The following TAF1 variants were observed in gnomAD, a reference collection of about 807,000 sequenced individuals.
The protein encoded by TAF1 is TATA-box binding protein associated factor 1.
TAF1 carries 2 observed loss-of-function variants against 138.5 expected under a neutral mutation model. That is an observed-to-expected ratio of 0.01 (90% CI 0.01 to 0.05). The LOEUF (loss-of-function observed/expected upper bound fraction) is 0.05, where lower values mean the gene tolerates loss of function less well. TAF1 is among the 10% of genes least tolerant of loss of function. TAF1 has a pLI of 1.00. For missense variants in TAF1, 709 were observed against 1,478.0 expected (o/e 0.48, Z 8.53); for synonymous variants, 437 against 503.2 (o/e 0.87, Z 1.76).
chrX:71,499,131 C>T (rs1214870379), intron 13 of TAF1, among the ~76,000 whole-genome samples: 3 of 110,743 alleles, frequency 2.7e-5, no homozygotes, highest in Non-Finnish European at 5.7e-5. Context: ...TGGACATGGG[C>T]GAGGGGGCAG....
At chrX:71,473,599 C>A (rs1405151507) in intron 13 of TAF1, among the ~76,000 whole-genome samples, 3 of 109,640 alleles carry the variant, frequency 2.7e-5, no homozygotes, top group African/African-American at 1.0e-4. Flanking sequence ...AATCACTTTA[C>A]CCTAGGAGTT....
rs2034394782 is a variant in TAF1, at chrX:71,388,873, A to G, written c.2700+5A>G. 8.3e-7 allele frequency: 1 copy of G among 1,200,359 alleles called. No individual in the cohort carries two copies. Among genetic ancestry groups the G allele is most frequent in the Admixed American group, 2.2e-5 (1 of 45,446 alleles). ...GCTGCAGAGCAACGACTGAAGGTGA[A>G]CACCTTCCTCTTAGACACCACTTAT... On this transcript the variant is annotated splice_donor_5th_base_variant and intron_variant, in intron 17 of 37. Transcript: ENST00000423759.
chrX:71,393,991 G>T (rs1429060038), intron 21 of TAF1, 76 bp from the exon 22 acceptor site: 12 of 1,045,625 alleles, frequency 1.1e-5, no homozygotes, highest in Non-Finnish European at 6.3e-6. Context: ...TTTTAAGGTT[G>T]ATTTCCCAAT....
chrX:71,520,301 G>T (rs1034689500), intron 13 of TAF1, among the ~76,000 whole-genome samples: 4 of 109,175 alleles, frequency 3.7e-5, no homozygotes, highest in Non-Finnish European at 7.6e-5. Flanking sequence ...CCGCCACCAT[G>T]CCCGGCTAAT....
At chrX:71,448,666 A>G (rs936029294) in intron 32 of TAF1, among the ~76,000 whole-genome samples, 1 of 111,976 alleles carries the variant, frequency 8.9e-6, no homozygotes, top group Non-Finnish European at 1.9e-5. Flanking sequence ...AAGCTCTTGT[A>G]ACTATTGAGA....
At chrX:71,433,550 A>T (rs1220129876) in intron 32 of TAF1, among the ~76,000 whole-genome samples, 4 of 111,292 alleles carry the variant, frequency 3.6e-5, no homozygotes, top group Non-Finnish European at 7.5e-5. Flanking sequence ...TCCTAAGGAA[A>T]TGAGTATCCA....
chrX:71,502,832 G>C (rs1483632855), intron 13 of TAF1, among the ~76,000 whole-genome samples: 1 of 110,897 alleles, frequency 9.0e-6, no homozygotes, highest in Non-Finnish European at 1.9e-5. Context: ...CAGCTACCTG[G>C]GAGGCTGAGG....
intron 2 of TAF1, 113 bp downstream of exon 2, chrX:71,367,726 A>C: frequency 1.1e-6 from 1 of 889,647 alleles, no homozygotes. Flanking sequence ...GTTGGAGTGC[A>C]GTGGGGCGAT....
At chrX:71,411,139 T>C (rs184076869) in intron 28 of TAF1, among the ~76,000 whole-genome samples, 111 of 110,858 alleles carry the variant, frequency 1.0e-3, no homozygotes, top group African/African-American at 3.5e-3. Flanking sequence ...AGTGTGGTGG[T>C]ACAATCTTGG....
chrX:71,371,807 G>A (rs923901923), intron 3 of TAF1, among the ~76,000 whole-genome samples: 8 of 111,869 alleles, frequency 7.2e-5, no homozygotes, highest in African/African-American at 1.9e-4. Flanking sequence ...TTTCTCATTT[G>A]TAATAATCCC....
At position 71,431,183 on chromosome X, in the gene TAF1, C is replaced by T. The variant is rs186911815; in HGVS notation, c.4753+6945C>T. On this transcript the variant is annotated intron_variant, in intron 32 of 37. Coordinates refer to ENST00000423759, the MANE Select transcript of TAF1 (RefSeq NM_004606.5). ...GTTCAAGTGATTTGCCTGCCTCAGC[C>T]TCCCAAGTAGCTGGGATTACAGGCA... Among the ~76,000 whole-genome samples the T allele has an allele frequency of 5.7e-4, 62 of 108,217 alleles. 1 individual carries two copies. The highest frequency in any genetic ancestry group is 2.4e-3 in the Admixed American group (24 of 10,003). 94.0% of individuals were successfully genotyped at this position (108,217 alleles called of 115,157 possible).
chrX:71,460,595 T>C (rs960414749), intron 36 of TAF1, 31 bp from the exon 37 acceptor site: 5 of 1,205,553 alleles, frequency 4.1e-6, no homozygotes, highest in South Asian at 3.6e-5. Context: ...AGCTTAACTC[T>C]TGATGACCCA....
intron 28 of TAF1, among the ~76,000 whole-genome samples, chrX:71,413,142 A>G (rs1354055463): frequency 8.9e-6 from 1 of 111,772 alleles, no homozygotes; most frequent in African/African-American, 3.3e-5. Context: ...AAAACCTGAA[A>G]TCTGAAACAC....
Position 71,377,068 on chromosome X carries a change from A to G in TAF1, c.591A>G (p.Glu197=). 2 of 1,211,700 alleles carry G rather than the reference A, an allele frequency of 1.7e-6. No individual in the cohort carries two copies. The highest frequency in any genetic ancestry group is 2.2e-6 in the Non-Finnish European group (2 of 895,550). The stretch of plus-strand genomic sequence containing the variant: ...CAGAATCTGAGATGGGACCTCAGGA[A>G]GCAACACAGGCAGAATCTGAAGATG... The part of the protein sequence containing the change: ...SDSESEMGPQ[E]ATQAESEDGK... Residue 197 remains glutamate, a synonymous_variant, in exon 5 of 38, where the codon GAA becomes GAG. Coordinates refer to ENST00000423759, the MANE Select transcript of TAF1 (RefSeq NM_004606.5).
Position 71,460,748 on chromosome X carries a change from T to C in TAF1, c.5344T>C (p.Ser1782Pro). ...MDMENEESMM[S>P]YEGDGGEASH... ...CATGGAAAATGAAGAAAGCATGATG[T>C]CCTATGAGGGAGACGGTGGGGAGGC... Residue 1782 changes from serine to proline, a missense_variant, in exon 37 of 38, where the codon TCC becomes CCC. Coordinates refer to ENST00000423759, the MANE Select transcript of TAF1 (RefSeq NM_004606.5). 2 of 1,204,734 alleles carry C rather than the reference T, an allele frequency of 1.7e-6. No homozygotes were observed. The highest frequency in any genetic ancestry group is 2.2e-6 in the Non-Finnish European group (2 of 891,708).
intron 34 of TAF1, 33 bp downstream of exon 34, chrX:71,454,890 G>T: frequency 8.3e-7 from 1 of 1,204,576 alleles, no homozygotes; most frequent in African/African-American, 1.7e-5. Flanking sequence ...TCCTCATATA[G>T]TTTTCTTATT....
chrX:71,439,285 G>A (rs1217544500), intron 32 of TAF1, among the ~76,000 whole-genome samples: 4 of 110,845 alleles, frequency 3.6e-5, no homozygotes, highest in East Asian at 2.8e-4. Flanking sequence ...CAGTAGCTAC[G>A]TCTAGGAAAC....
intron 32 of TAF1, among the ~76,000 whole-genome samples, chrX:71,437,814 A>G (rs754054747): frequency 3.7e-4 from 40 of 107,792 alleles, no homozygotes; most frequent in African/African-American, 1.3e-3. Context: ...TATACATAAT[A>G]TAAAAATTTG....
intron 32 of TAF1, among the ~76,000 whole-genome samples, chrX:71,437,063 T>C (rs59652973): frequency 6.7e-4 from 75 of 112,140 alleles, no homozygotes; most frequent in African/African-American, 2.4e-3. Context: ...TTTATTTAAT[T>C]TGATAGTTTT....
Sources: gnomAD v4.1 joint callset for allele counts (sites outside exome capture counted in the v4.1 genomes callset) on GRCh38, gnomAD v4.1.1 for gene constraint, MANE v1.5 for transcripts, NCBI Gene and HGNC (gene_info 2026-07-23, HGNC 2026-07-21) for gene names.